SLC25A36: variants seen among roughly 807,000 people sequenced by gnomAD.
The protein encoded by SLC25A36 is solute carrier family 25 member 36.
SLC25A36 carries 24 observed loss-of-function variants against 35.3 expected under a neutral mutation model. That is an observed-to-expected ratio of 0.68 (90% confidence interval 0.49 to 0.96). The LOEUF is 0.96. Among genes scored for constraint, SLC25A36 ranks in the 40% least tolerant of loss-of-function variants. The pLI is 0.00. For synonymous variants in SLC25A36, 141 were observed against 132.2 expected (o/e 1.07, Z -0.46); for missense variants, 294 against 381.1 (o/e 0.77, Z 1.90).
At chr3:140,969,314 C>T (rs1204909509) in intron 4 of SLC25A36, among the ~76,000 whole-genome samples, 1 of 151,676 alleles carries the variant, frequency 6.6e-6, no homozygotes, top group Non-Finnish European at 1.5e-5. Context: ...TGAAAAGAAC[C>T]TTTTATTTAA....
intron 3 of SLC25A36, 92 bp from the exon 4 acceptor site, chr3:140,963,035 A>G: frequency 2.6e-6 from 2 of 762,474 alleles, no homozygotes; most frequent in South Asian, 4.8e-5. Flanking sequence ...TGGTTTTTAA[A>G]TTTCTCCATT....
At position 140,976,794 on chromosome 3, in the gene SLC25A36, A is replaced by G. The variant is rs1935060537; in HGVS notation, c.*341A>G. On this transcript the variant is annotated 3_prime_UTR_variant, in exon 7 of 7. Transcript: ENST00000324194. ...AGCCATCCTTAATTTTACATACTGT[A>G]TTGTAACTATCCAAAGATAGTATTG... 1.2e-5 allele frequency: 2 copies of G among 173,134 alleles called. No homozygotes were observed. The highest frequency in any genetic ancestry group is 6.1e-5 in the Admixed American group (1 of 16,450). 10.7% of individuals were successfully genotyped at this position (173,134 alleles called of 1,614,324 possible). A position where few individuals can be genotyped will look rare whatever the true frequency, so the allele number is the denominator to read the frequency against.
chr3:140,960,444 T>C (rs1576482628), intron 3 of SLC25A36, among the ~76,000 whole-genome samples: 1 of 152,204 alleles, frequency 6.6e-6, no homozygotes, highest in East Asian at 1.9e-4. Context: ...AGTGTTCCTT[T>C]CTCACTTTCC....
At chr3:140,974,809 G>A (rs1023181873) in intron 6 of SLC25A36, among the ~76,000 whole-genome samples, 1 of 152,094 alleles carries the variant, frequency 6.6e-6, no homozygotes, top group Admixed American at 6.6e-5. Context: ...AAATGAGCCA[G>A]GCCTAGAAAA....
chr3:140,975,998 A>G (rs1935033682), intron 6 of SLC25A36, among the ~76,000 whole-genome samples: 1 of 152,146 alleles, frequency 6.6e-6, no homozygotes, highest in South Asian at 2.1e-4. Flanking sequence ...TTTATCTAGC[A>G]TACAACTGAT....
intron 1 of SLC25A36, among the ~76,000 whole-genome samples, chr3:140,943,163 T>C (rs574619509): frequency 2.2e-4 from 33 of 152,212 alleles, no homozygotes; most frequent in Admixed American, 5.2e-4. Flanking sequence ...AGAGTTTTCT[T>C]ATCAAAAATG....
intron 3 of SLC25A36, 70 bp downstream of exon 3, chr3:140,959,610 A>G: frequency 1.5e-6 from 1 of 656,736 alleles, no homozygotes; most frequent in Non-Finnish European, 2.4e-6. Flanking sequence ...CCTGGATTTA[A>G]TCATTTATAG....
chr3:140,953,943 C>G (rs1249657597), intron 1 of SLC25A36, among the ~76,000 whole-genome samples: 5 of 152,158 alleles, frequency 3.3e-5, no homozygotes, highest in Admixed American at 3.3e-4. Context: ...GCACTCCAGC[C>G]TTGGTGACAG....
chr3:140,970,177 C>G (rs1045120360), intron 4 of SLC25A36, among the ~76,000 whole-genome samples: 3 of 151,862 alleles, frequency 2.0e-5, no homozygotes, highest in Admixed American at 2.0e-4. Flanking sequence ...CATTCTGCAC[C>G]AATACCTAGT....
intron 1 of SLC25A36, among the ~76,000 whole-genome samples, chr3:140,950,675 C>T (rs1394731955): frequency 1.3e-5 from 2 of 152,122 alleles, no homozygotes; most frequent in Non-Finnish European, 1.5e-5. Flanking sequence ...CTGCAGTTGT[C>T]GAGAAGTATG....
chr3:140,970,539 G>GT (rs936792407), intron 4 of SLC25A36: 126 of 152,534 alleles, frequency 8.3e-4, no homozygotes, highest in African/African-American at 2.9e-3. Context: ...CCAGGTAACT[G>GT]TTTTTTTTAG....
chr3:140,952,019 C>CTTTTTT (rs200986661), intron 1 of SLC25A36, among the ~76,000 whole-genome samples: 1 of 137,430 alleles, frequency 7.3e-6, no homozygotes, highest in African/African-American at 2.7e-5. Context: ...TTCTTTCTCT[C>CTTTTTT]TTTTTTTTTT....
intron 6 of SLC25A36, 104 bp downstream of exon 6, chr3:140,974,109 C>T (rs887619279): frequency 2.0e-5 from 15 of 761,146 alleles, no homozygotes; most frequent in African/African-American, 1.8e-4. Flanking sequence ...TAACAAAATA[C>T]AATTATTGGG....
At position 140,942,085 on chromosome 3, in the gene SLC25A36, T is replaced by G; in HGVS notation, c.31T>G (p.Phe11Val). Reference sequence around the variant, plus strand: ...CCAGAGGGACACGCTGGTGCATCTGTTTGCCGGAGGGTAAGGTCCTGGCGG... The same window carrying G: ...CCAGAGGGACACGCTGGTGCATCTGGTTGCCGGAGGGTAAGGTCCTGGCGG... MSQRDTLVHL[F>V]AGGCGGTVGA... Residue 11 changes from phenylalanine to valine, a missense_variant, in exon 1 of 7, where the codon TTT (phenylalanine) becomes GTT (valine). Phe to Val is a conservative substitution (Grantham distance 50, BLOSUM62 -1). Transcript: ENST00000324194. 1 of 1,468,972 alleles carries G rather than the reference T, an allele frequency of 6.8e-7. No individual in the cohort carries two copies. Among genetic ancestry groups the G allele is most frequent in the Non-Finnish European group, 9.1e-7 (1 of 1,093,546 alleles). 91.0% of individuals were successfully genotyped at this position (1,468,972 alleles called of 1,614,324 possible).
In SLC25A36 at chr3:140,942,045, G is replaced by A; in HGVS notation, c.-10G>A. 1 of 1,469,770 alleles carries A rather than the reference G, an allele frequency of 6.8e-7. No homozygotes were observed. Among genetic ancestry groups the A allele is most frequent in the Non-Finnish European group, 9.2e-7 (1 of 1,085,312 alleles). The allele number at this position is 1,469,770 out of a possible 1,614,324, so 91.0% of individuals were successfully genotyped here. A position where few individuals can be genotyped will look rare whatever the true frequency, so the allele number is the denominator to read the frequency against. On this transcript the variant is annotated 5_prime_UTR_variant, in exon 1 of 7. Coordinates refer to ENST00000324194, the MANE Select transcript of SLC25A36 (RefSeq NM_001104647.3). ...CCGCCTCAGCGGCCGGAGGACATGCGGGAGAGAGAATGAGCCAGAGGGACA... is the reference window on the plus strand; with the variant it reads ...CCGCCTCAGCGGCCGGAGGACATGCAGGAGAGAGAATGAGCCAGAGGGACA...
intron 1 of SLC25A36, among the ~76,000 whole-genome samples, chr3:140,944,415 G>A (rs1025288899): frequency 2.6e-5 from 4 of 151,934 alleles, no homozygotes; most frequent in African/African-American, 9.7e-5. Flanking sequence ...TTAATATTCA[G>A]AGTTTGTAAG....
At chr3:140,964,136 G>A (rs929596075) in intron 4 of SLC25A36, 17 of 151,882 alleles carry the variant, frequency 1.1e-4, no homozygotes, top group Non-Finnish European at 2.1e-4. Context: ...TTAATAATGA[G>A]TGCCTTAAAC....
chr3:140,953,636 T>G (rs1343925562), intron 1 of SLC25A36, among the ~76,000 whole-genome samples: 1 of 152,192 alleles, frequency 6.6e-6, no homozygotes, highest in East Asian at 1.9e-4. Context: ...TTTTGGCAGA[T>G]GTATAAAGTC....
chr3:140,945,447 T>C (rs1934137594), intron 1 of SLC25A36, among the ~76,000 whole-genome samples: 1 of 152,200 alleles, frequency 6.6e-6, no homozygotes, highest in Non-Finnish European at 1.5e-5. Flanking sequence ...TTGGAGAATA[T>C]TCTCAAATCA....
Sources: gnomAD v4.1 joint callset for allele counts (sites outside exome capture counted in the v4.1 genomes callset) on GRCh38, gnomAD v4.1.1 for gene constraint, MANE v1.5 for transcripts, NCBI Gene and HGNC (gene_info 2026-07-23, HGNC 2026-07-21) for gene names.